Variants in NFIB observed in about 807,000 individuals in gnomAD.
NFIB encodes nuclear factor I B, also known as nuclear factor 1 B-type.
Under a neutral mutation model 61.5 loss-of-function variants are expected in NFIB, and 11 were observed. That is an observed-to-expected ratio of 0.18 (90% CI 0.11 to 0.30). The LOEUF (loss-of-function observed/expected upper bound fraction) is 0.30, where lower values mean the gene tolerates loss of function less well. Ranked by LOEUF, NFIB falls within the 10% of genes least tolerant of loss-of-function variation. The pLI is 1.00. For synonymous variants in NFIB, 260 were observed against 216.5 expected (o/e 1.20, Z -1.76); for missense variants, 471 against 608.9 (o/e 0.77, Z 2.38).
At chr9:14,456,323 C>T in the NFIB span, among the ~76,000 whole-genome samples, 1 of 151,798 alleles carries the variant, frequency 6.6e-6, no homozygotes, top group Non-Finnish European at 1.5e-5. Context: ...AGGCCTATAG[C>T]ATAAAAGATG....
intron 1 of NFIB, among the ~76,000 whole-genome samples, chr9:14,392,506 T>C (rs113260393): frequency 5.3e-5 from 8 of 152,130 alleles, no homozygotes; most frequent in African/African-American, 1.2e-4. Flanking sequence ...GGCTGATGGA[T>C]TGCTTGAGCC....
the NFIB span, among the ~76,000 whole-genome samples, chr9:14,491,892 T>G: frequency 1.3e-5 from 2 of 152,208 alleles, no homozygotes; most frequent in African/African-American, 4.8e-5. Context: ...TCATGTTCTA[T>G]GAATTGCTCA....
chr9:14,514,007 C>T, the NFIB span, among the ~76,000 whole-genome samples: 1 of 152,046 alleles, frequency 6.6e-6, no homozygotes, highest in African/African-American at 2.4e-5. Flanking sequence ...TGTCGCTTAC[C>T]TCAGTTATTA....
intron 1 of NFIB, among the ~76,000 whole-genome samples, chr9:14,334,592 G>C (rs761526903): frequency 2.6e-5 from 4 of 152,048 alleles, no homozygotes; most frequent in Non-Finnish European, 5.9e-5. Flanking sequence ...TCCTTTGCCA[G>C]TTTATATCTG....
At chr9:14,090,280 A>C (rs556855786) in intron 10 of NFIB, among the ~76,000 whole-genome samples, 3 of 152,266 alleles carry the variant, frequency 2.0e-5, no homozygotes, top group South Asian at 4.1e-4. Context: ...GTAACTCTTA[A>C]GAATACTTGT....
chr9:14,194,363 G>A (rs1012220433), intron 2 of NFIB, among the ~76,000 whole-genome samples: 2 of 152,114 alleles, frequency 1.3e-5, no homozygotes, highest in Admixed American at 6.5e-5. Context: ...ATATTGCACA[G>A]ACACTAAAAA....
At chr9:14,402,349 A>G (rs1359947112), upstream of NFIB, among the ~76,000 whole-genome samples, 1 of 152,316 alleles carries the variant, frequency 6.6e-6, no homozygotes, top group Non-Finnish European at 1.5e-5. Context: ...TTCTCTTTTC[A>G]CCTTCTTTGA....
the NFIB span, among the ~76,000 whole-genome samples, chr9:14,437,826 C>T: frequency 1.3e-5 from 2 of 152,200 alleles, no homozygotes; most frequent in Non-Finnish European, 1.5e-5. Context: ...AGGGAAATGA[C>T]AGTCGGATCC....
intron 1 of NFIB, among the ~76,000 whole-genome samples, chr9:14,386,396 A>G (rs1433025517): frequency 6.6e-6 from 1 of 152,182 alleles, no homozygotes; most frequent in Non-Finnish European, 1.5e-5. Flanking sequence ...GCAAAAGTCC[A>G]ACTTCGAAGG....
At chr9:14,478,084 C>T in the NFIB span, among the ~76,000 whole-genome samples, 3 of 152,148 alleles carry the variant, frequency 2.0e-5, no homozygotes, top group African/African-American at 7.2e-5. Flanking sequence ...TGTCTCTGTT[C>T]TGCATTGTTG....
the NFIB span, among the ~76,000 whole-genome samples, chr9:14,511,982 C>A: frequency 6.6e-6 from 1 of 152,128 alleles, no homozygotes; most frequent in African/African-American, 2.4e-5. Flanking sequence ...CACAATTAAA[C>A]TGTTTTATTT....
intron 2 of NFIB, among the ~76,000 whole-genome samples, chr9:14,218,615 T>G (rs1159015258): frequency 6.6e-6 from 1 of 152,180 alleles, no homozygotes; most frequent in Non-Finnish European, 1.5e-5. Context: ...TATTTAATAG[T>G]GTATTTTGGT....
chr9:14,463,952 G>A, the NFIB span, among the ~76,000 whole-genome samples: 2 of 152,216 alleles, frequency 1.3e-5, no homozygotes, highest in Non-Finnish European at 2.9e-5. Context: ...GAGCCAGGGC[G>A]CCTGGCCTCT....
intron 3 of NFIB, among the ~76,000 whole-genome samples, chr9:14,157,922 C>A (rs2043631201): frequency 6.6e-6 from 1 of 151,828 alleles, no homozygotes; most frequent in East Asian, 1.9e-4. Flanking sequence ...ACCAGCCTGG[C>A]CAATATGGTG....
chr9:14,119,230 A>G (rs2038599336), intron 8 of NFIB, among the ~76,000 whole-genome samples: 1 of 152,148 alleles, frequency 6.6e-6, no homozygotes, highest in African/African-American at 2.4e-5. Context: ...TCTAAACGAT[A>G]TACTAAGATC....
At chr9:14,528,829 G>A in the NFIB span, among the ~76,000 whole-genome samples, 1 of 152,074 alleles carries the variant, frequency 6.6e-6, no homozygotes. Context: ...GCTTTAAAAG[G>A]AAACATATAG....
Position 14,125,749 on chromosome 9 carries a change from T to G in NFIB, c.943A>C (p.Thr315Pro). ...ERDQDMSSPT[T>P]MKKPEKPLFS... ...AATGGCTTTTCAGGCTTCTTCATAG[T>G]AGTCGGAGAAGACATATCTGCGAGA... Residue 315 changes from threonine to proline, a missense_variant, in exon 7 of 11, where the codon ACT becomes CCT. Around this residue, in one of 2 missense-constraint regions of NFIB, gnomAD observed 372 missense variants for 395.6 expected, o/e 0.94. Transcript: ENST00000380953. 6.2e-7 allele frequency: 1 copy of G among 1,614,100 alleles called. No homozygotes were observed. The highest frequency in any genetic ancestry group is 2.2e-5 in the East Asian group (1 of 44,862).
chr9:14,385,941 C>T (rs1375330605), intron 1 of NFIB, among the ~76,000 whole-genome samples: 1 of 151,998 alleles, frequency 6.6e-6, no homozygotes, highest in Non-Finnish European at 1.5e-5. Flanking sequence ...TTCCACGGCA[C>T]CCAGCTAATT....
In NFIB at chr9:14,083,038, A is replaced by G. The variant is rs140015126; in HGVS notation, c.*5271T>C. ...AGCGCTTTTCACAATCTCAACATAC[A>G]TTTGAATTGCAACACACAGATATTT... On this transcript the variant is annotated 3_prime_UTR_variant, in exon 11 of 11. Coordinates refer to ENST00000380953, the MANE Select transcript of NFIB (RefSeq NM_001190737.2). 266 of 208,516 alleles carry G rather than the reference A, an allele frequency of 1.3e-3. 1 individual carries two copies. The highest frequency in any genetic ancestry group is 2.2e-3 in the Non-Finnish European group (225 of 102,334). The allele number at this position is 208,516 out of a possible 1,614,324, so 12.9% of individuals were successfully genotyped here.
Sources: gnomAD v4.1 joint callset for allele counts (sites outside exome capture counted in the v4.1 genomes callset) on GRCh38, gnomAD v4.1.1 for gene constraint, gnomAD v4.1.1 regional missense constraint, MANE v1.5 for transcripts, NCBI Gene and HGNC (gene_info 2026-07-23, HGNC 2026-07-21) for gene names.